EDIL3: variants seen among roughly 807,000 people sequenced by gnomAD.
EDIL3 encodes the protein EGF like and discoidin domains 3.
EDIL3 carries 37 observed loss-of-function variants against 67.4 expected under a neutral mutation model. That is an observed-to-expected ratio of 0.55 (90% CI 0.42 to 0.72). EDIL3 has a LOEUF of 0.72. Ranked by LOEUF, EDIL3 falls within the 30% of genes least tolerant of loss-of-function variation. The probability of loss-of-function intolerance (pLI) is 0.00; values close to 1 mark genes in which losing one functional copy is unlikely to be tolerated. For missense variants in EDIL3, 527 were observed against 586.3 expected, an observed-to-expected ratio of 0.90 and a Z score of 1.04; for synonymous variants, 195 against 196.3, an observed-to-expected ratio of 0.99 and a Z score of 0.05.
intron 4 of EDIL3, among the ~76,000 whole-genome samples, chr5:84,179,134 A>G (rs3822640): frequency 6.6e-6 from 1 of 152,096 alleles, no homozygotes; most frequent in Admixed American, 6.6e-5. Context: ...TCACAGGGTA[A>G]GTAAGGGTAA....
chr5:84,338,108 C>T (rs1284814357), intron 1 of EDIL3, among the ~76,000 whole-genome samples: 1 of 152,108 alleles, frequency 6.6e-6, no homozygotes, highest in Non-Finnish European at 1.5e-5. Flanking sequence ...TTCATATTCT[C>T]TTTACTAATA....
chr5:84,254,138 A>T lies in EDIL3; in HGVS notation c.142T>A (p.Cys48Ser), dbSNP rs746105957. ...TCTGTGAAGCCATCTGGACACTCACAGGAAAAGGAACCATCAGCCAATCCT... is the reference window on the plus strand; with the variant it reads ...TCTGTGAAGCCATCTGGACACTCACTGGAAAAGGAACCATCAGCCAATCCT... ...LPGLADGSFSCECPDGFTDPN... is the reference protein window; with the variant it reads ...LPGLADGSFSSECPDGFTDPN... The change falls in exon 2 of 11, where the codon TGT becomes AGT. Residue 48 changes from cysteine (C) to serine (S), a missense_variant. This residue lies in a region of EDIL3 where 494 missense variants were observed against 522.5 expected (regional missense o/e 0.95). Coordinates refer to ENST00000296591, the MANE Select transcript of EDIL3 (RefSeq NM_005711.5). 3 of 1,613,322 alleles carry T rather than the reference A, an allele frequency of 1.9e-6. No individual in the cohort carries two copies. The highest frequency in any genetic ancestry group is 1.7e-5 in the Admixed American group (1 of 59,924).
intron 4 of EDIL3, among the ~76,000 whole-genome samples, chr5:84,143,551 G>A (rs1419485511): frequency 2.0e-5 from 3 of 151,954 alleles, no homozygotes; most frequent in African/African-American, 4.8e-5. Flanking sequence ...ATACTAGTAC[G>A]CAGGCAATAT....
chr5:84,177,944 T>A (rs1748950050), intron 4 of EDIL3, among the ~76,000 whole-genome samples: 1 of 152,168 alleles, frequency 6.6e-6, no homozygotes, highest in Non-Finnish European at 1.5e-5. Context: ...TAGTTAACAT[T>A]CTGTCATATA....
chr5:84,257,851 C>T (rs554136699), intron 1 of EDIL3, among the ~76,000 whole-genome samples: 6 of 151,992 alleles, frequency 3.9e-5, no homozygotes, highest in East Asian at 1.9e-4. Context: ...CAAAGAGAAA[C>T]GAAGAGAGGA....
chr5:84,365,274 A>G (rs1410108733), intron 1 of EDIL3, among the ~76,000 whole-genome samples: 1 of 152,172 alleles, frequency 6.6e-6, no homozygotes, highest in Non-Finnish European at 1.5e-5. Flanking sequence ...TTTCATGCTC[A>G]TGGCCACCTT....
chr5:84,347,872 T>C (rs1453564310), intron 1 of EDIL3, among the ~76,000 whole-genome samples: 2 of 152,206 alleles, frequency 1.3e-5, no homozygotes, highest in Non-Finnish European at 2.9e-5. Context: ...GCATCCATAT[T>C]ATAAAGACTT....
intron 1 of EDIL3, among the ~76,000 whole-genome samples, chr5:84,338,737 C>T (rs551996196): frequency 7.9e-5 from 12 of 152,190 alleles, no homozygotes; most frequent in African/African-American, 2.9e-4. Context: ...TCATACAATC[C>T]ACTGAAACCT....
At chr5:84,221,586 A>G (rs1744343088) in intron 3 of EDIL3, among the ~76,000 whole-genome samples, 1 of 152,056 alleles carries the variant, frequency 6.6e-6, no homozygotes, top group African/African-American at 2.4e-5. Context: ...CGTAAGCACT[A>G]TTTGGTCTTT....
intron 2 of EDIL3, among the ~76,000 whole-genome samples, chr5:84,239,093 T>A (rs16901000): frequency 0.089 from 13,527 of 152,244 alleles, 672 homozygotes; most frequent in South Asian, 0.2. Context: ...AGCTCACCTC[T>A]AGAAAACAAT....
At chr5:84,192,802 G>T (rs1743620145) in intron 3 of EDIL3, among the ~76,000 whole-genome samples, 1 of 151,994 alleles carries the variant, frequency 6.6e-6, no homozygotes, top group South Asian at 2.1e-4. Context: ...AAATGAAATT[G>T]TAAAGAAATG....
chr5:84,119,127 T>A (rs963259758), intron 5 of EDIL3, among the ~76,000 whole-genome samples: 2 of 151,616 alleles, frequency 1.3e-5, no homozygotes, highest in Non-Finnish European at 2.9e-5. Flanking sequence ...AAAGTCGTAG[T>A]TGGAGGAGAC....
chr5:84,292,362 CAG>C (rs1354219949), intron 1 of EDIL3, among the ~76,000 whole-genome samples: 2 of 152,108 alleles, frequency 1.3e-5, no homozygotes, highest in Non-Finnish European at 1.5e-5. Context: ...AAAAGGCACT[CAG>C]AATTTCAGAA....
chr5:84,350,698 T>C (rs1427816775), intron 1 of EDIL3, among the ~76,000 whole-genome samples: 2 of 147,714 alleles, frequency 1.4e-5, no homozygotes, highest in African/African-American at 2.7e-5. Flanking sequence ...CATGGACACA[T>C]GTTTTCTACC....
chr5:84,178,823 T>A (rs938480554), intron 4 of EDIL3, among the ~76,000 whole-genome samples: 5 of 152,164 alleles, frequency 3.3e-5, no homozygotes, highest in African/African-American at 4.8e-5. Context: ...AAGTTCCCAC[T>A]GCAATTCCCA....
At chr5:84,065,157 T>C (rs1746615449) in intron 7 of EDIL3, among the ~76,000 whole-genome samples, 1 of 152,174 alleles carries the variant, frequency 6.6e-6, no homozygotes, top group Non-Finnish European at 1.5e-5. Context: ...ATGGACACCT[T>C]AAATCCTTCA....
chr5:84,076,067 C>G (rs546529193), intron 6 of EDIL3, among the ~76,000 whole-genome samples: 1 of 151,052 alleles, frequency 6.6e-6, no homozygotes, highest in Non-Finnish European at 1.5e-5. Flanking sequence ...ACCATTAACA[C>G]TACATTTTTA....
Position 84,077,308 on chromosome 5 carries a change from C to A in EDIL3, c.652-10702G>T, listed in dbSNP as rs544215566. On this transcript the variant is annotated intron_variant, in intron 6 of 10. Transcript: ENST00000296591. ...AATCTCCTGAATGAGTCTTTGGGAT[C>A]CCCTGCTTCTTCAAGGGATATGTGA... Among the ~76,000 whole-genome samples the A allele has an allele frequency of 1.6e-4, 24 of 152,242 alleles. 1 individual carries two copies. The highest frequency in any genetic ancestry group is 1.6e-3 in the Admixed American group (24 of 15,292).
At chr5:84,370,649 C>A (rs1747823639) in intron 1 of EDIL3, among the ~76,000 whole-genome samples, 1 of 152,122 alleles carries the variant, frequency 6.6e-6, no homozygotes, top group Non-Finnish European at 1.5e-5. Context: ...AATTTGGCAA[C>A]CACAGATAAA....
Sources: allele counts gnomAD v4.1 joint callset (sites outside exome capture counted in the v4.1 genomes callset), GRCh38; gene constraint gnomAD v4.1.1; regional missense constraint gnomAD v4.1.1; transcripts MANE v1.5; gene names NCBI Gene and HGNC (gene_info 2026-07-23, HGNC 2026-07-21).